Variants in SUFU observed in about 807,000 individuals in gnomAD.
SUFU encodes SUFU negative regulator of hedgehog signaling.
Under a neutral mutation model 58.9 loss-of-function variants are expected in SUFU, and 7 were observed. The observed-to-expected ratio is 0.12, with a 90% CI of 0.07 to 0.22. The LOEUF is 0.22. SUFU is among the 10% of genes least tolerant of loss of function. The probability of loss-of-function intolerance (pLI) is 1.00; values close to 1 mark genes in which losing one functional copy is unlikely to be tolerated. For missense variants in SUFU, 451 were observed against 641.3 expected, an observed-to-expected ratio of 0.70 and a Z score of 3.20; for synonymous variants, 232 against 254.8, an observed-to-expected ratio of 0.91 and a Z score of 0.85.
chr10:102,581,315 G>C (rs928216022), intron 3 of SUFU, among the ~76,000 whole-genome samples: 3 of 152,064 alleles, frequency 2.0e-5, no homozygotes, highest in Non-Finnish European at 4.4e-5. Context: ...AGGAGCATCT[G>C]GGCTGGGCAG....
intron 10 of SUFU, among the ~76,000 whole-genome samples, chr10:102,623,286 G>C (rs550662243): frequency 1.3e-5 from 2 of 152,344 alleles, no homozygotes; most frequent in African/African-American, 4.8e-5. Flanking sequence ...GAACTGTCAA[G>C]ATATATGTAT....
intron 2 of SUFU, among the ~76,000 whole-genome samples, chr10:102,518,027 A>C (rs747222345): frequency 1.3e-5 from 2 of 152,206 alleles, no homozygotes; most frequent in Non-Finnish European, 2.9e-5. Flanking sequence ...GACTGGGAGC[A>C]GCTTCCTGTC....
At chr10:102,540,699 A>T (rs2062788161) in intron 2 of SUFU, among the ~76,000 whole-genome samples, 1 of 147,632 alleles carries the variant, frequency 6.8e-6, no homozygotes, top group Non-Finnish European at 1.5e-5. Context: ...CGTGGCATTC[A>T]TTCCTGCCTG....
rs1329758804 is a variant in SUFU, at chr10:102,615,542, C to CGTCTCCCT, written c.1157+150_1157+157dup. 8.5e-6 allele frequency: 11 copies of CGTCTCCCT among 1,300,484 alleles called. No individual in the cohort carries two copies. In the African/African-American group the frequency reaches 1.6e-4, roughly 19 times the overall value. The allele number at this position is 1,300,484 out of a possible 1,614,324, so 80.6% of individuals were successfully genotyped here. A position where few individuals can be genotyped will look rare whatever the true frequency, so the allele number is the denominator to read the frequency against. On this transcript the variant is annotated intron_variant, in intron 9 of 11. Coordinates refer to ENST00000369902, the MANE Select transcript of SUFU (RefSeq NM_016169.4). Reference sequence around the variant, plus strand: ...AAGGAGCCACCAGGCCCGTGCTTCCCGTCTCCCTGTCTCCCTGATGAGGGT... The same window carrying CGTCTCCCT: ...AAGGAGCCACCAGGCCCGTGCTTCCCGTCTCCCTGTCTCCCTGTCTCCCTGATGAGGGT...
intron 8 of SUFU, among the ~76,000 whole-genome samples, chr10:102,608,159 G>T (rs886084858): frequency 1.6e-4 from 24 of 152,060 alleles, no homozygotes; most frequent in Admixed American, 1.5e-3. Flanking sequence ...AGGAGTTGGG[G>T]GTTGTAGTGA....
At chr10:102,585,033 T>C (rs1175600695) in intron 3 of SUFU, among the ~76,000 whole-genome samples, 1 of 152,272 alleles carries the variant, frequency 6.6e-6, no homozygotes, top group Non-Finnish European at 1.5e-5. Flanking sequence ...CAGGCTGCTG[T>C]GCCTGGGGTG....
At chr10:102,592,241 T>A (rs1296383316) in intron 3 of SUFU, among the ~76,000 whole-genome samples, 1 of 152,224 alleles carries the variant, frequency 6.6e-6, no homozygotes, top group Non-Finnish European at 1.5e-5. Context: ...TATTCTTTCT[T>A]GGCAGATCCA....
chr10:102,530,784 C>A (rs1354575841), intron 2 of SUFU, among the ~76,000 whole-genome samples: 1 of 151,780 alleles, frequency 6.6e-6, no homozygotes, highest in Admixed American at 6.6e-5. Context: ...AGGAAATAAC[C>A]CAAATATGGG....
chr10:102,601,173 G>A (rs1005131586), intron 8 of SUFU, among the ~76,000 whole-genome samples: 1 of 152,186 alleles, frequency 6.6e-6, no homozygotes, highest in African/African-American at 2.4e-5. Flanking sequence ...ACAAGCTCCT[G>A]CAGAGATACA....
At chr10:102,596,077 A>AG (rs1427394633) in intron 6 of SUFU, among the ~76,000 whole-genome samples, 2 of 152,130 alleles carry the variant, frequency 1.3e-5, no homozygotes, top group Non-Finnish European at 2.9e-5. Context: ...CGGAACCCAC[A>AG]GCTTTGCCCA....
chr10:102,540,714 T>C (rs948159336), intron 2 of SUFU, among the ~76,000 whole-genome samples: 14 of 129,746 alleles, frequency 1.1e-4, no homozygotes, highest in African/African-American at 3.6e-4. Flanking sequence ...TGCCTGCCTT[T>C]AAAATATATA....
At chr10:102,579,532 G>A (rs757940210) in intron 3 of SUFU, among the ~76,000 whole-genome samples, 3 of 152,194 alleles carry the variant, frequency 2.0e-5, no homozygotes, top group African/African-American at 7.2e-5. Context: ...GGGACAGGAA[G>A]GAAGCTGAAG....
rs372636246 is a variant in SUFU at position 102,597,277 on chromosome 10, G to A, written c.894G>A (p.Arg298=). 2 of 1,613,444 alleles carry A rather than the reference G, an allele frequency of 1.2e-6. No individual in the cohort carries two copies. The highest frequency in any genetic ancestry group is 1.7e-6 in the Non-Finnish European group (2 of 1,179,864). The change falls in exon 7 of 12, where the codon CGG becomes CGA. Residue 298 remains arginine (R), a synonymous_variant. Coordinates refer to ENST00000369902, the MANE Select transcript of SUFU (RefSeq NM_016169.4). ...SRSICIGTQP[R]RLSGKDTEQI... is the part of the protein sequence containing the mutation. ...GCATCTGCATCGGCACACAGCCCCG[G>A]CGACTCTCTGGCAAAGGTGGGAGCC...
At chr10:102,552,613 T>A (rs566671609) in intron 3 of SUFU, among the ~76,000 whole-genome samples, 2 of 152,326 alleles carry the variant, frequency 1.3e-5, no homozygotes, top group Admixed American at 1.3e-4. Flanking sequence ...AAAATGTGAA[T>A]TTACACTGTG....
At chr10:102,563,187 T>C (rs2063055911) in intron 3 of SUFU, among the ~76,000 whole-genome samples, 1 of 152,218 alleles carries the variant, frequency 6.6e-6, no homozygotes. Context: ...TCATCAGTTA[T>C]ATTTATTTTA....
intron 2 of SUFU, among the ~76,000 whole-genome samples, chr10:102,531,386 G>A (rs762520686): frequency 6.6e-5 from 10 of 152,170 alleles, no homozygotes; most frequent in Non-Finnish European, 1.2e-4. Context: ...AAAATTGCAG[G>A]ACTGGTTCAG....
chr10:102,503,874 C>G (rs1564653935), upstream of SUFU: 1 of 422,426 alleles, frequency 2.4e-6, no homozygotes, highest in East Asian at 4.4e-5. Context: ...ACCTTCCCTG[C>G]CTGTGACTGG....
rs1226502910 is a variant in SUFU, at chr10:102,631,158, A to C, written c.*1003A>C. The stretch of plus-strand genomic sequence containing the variant: ...GTAACCAGTCCTGTCCCATTTCCTC[A>C]GTCCCTGGGCCTCCCAGCCTTCAGG... On this transcript the variant is annotated 3_prime_UTR_variant, in exon 12 of 12. Coordinates refer to ENST00000369902, the MANE Select transcript of SUFU (RefSeq NM_016169.4). 4.3e-6 allele frequency: 1 copy of C among 233,250 alleles called. No individual in the cohort carries two copies. The highest frequency in any genetic ancestry group is 8.5e-6 in the Non-Finnish European group (1 of 118,140). The allele number at this position is 233,250 out of a possible 1,614,324, so 14.4% of individuals were successfully genotyped here.
intron 3 of SUFU, among the ~76,000 whole-genome samples, chr10:102,570,412 T>A (rs1042769577): frequency 2.6e-5 from 4 of 152,112 alleles, no homozygotes; most frequent in African/African-American, 9.7e-5. Context: ...TGGCTAATTC[T>A]TATATTTTTT....
Sources: allele counts gnomAD v4.1 joint callset (sites outside exome capture counted in the v4.1 genomes callset), GRCh38; gene constraint gnomAD v4.1.1; transcripts MANE v1.5; gene names NCBI Gene and HGNC (gene_info 2026-07-23, HGNC 2026-07-21).